The following ZMYND11 variants were observed in gnomAD, a reference collection of about 807,000 sequenced individuals.
The protein encoded by ZMYND11 is zinc finger MYND domain-containing protein 11.
In ZMYND11, 9 loss-of-function variants were observed where a neutral mutation model predicts 84.9. The observed-to-expected ratio is 0.11, with a 90% CI of 0.06 to 0.18. The LOEUF is 0.18. Ranked by LOEUF, ZMYND11 falls within the 10% of genes least tolerant of loss-of-function variation. The pLI is 1.00. For missense variants in ZMYND11, 409 were observed against 761.0 expected, an observed-to-expected ratio of 0.54 and a Z score of 5.44; for synonymous variants, 250 against 244.1, an observed-to-expected ratio of 1.02 and a Z score of -0.23.
intron 14 of ZMYND11, among the ~76,000 whole-genome samples, chr10:251,479 T>C (rs1325463053): frequency 6.6e-6 from 1 of 152,168 alleles, no homozygotes; most frequent in South Asian, 2.1e-4. Flanking sequence ...TCTCCCTGGG[T>C]TCTTCCTCCA....
At chr10:171,286 A>T (rs995560994) in intron 1 of ZMYND11, among the ~76,000 whole-genome samples, 1 of 152,180 alleles carries the variant, frequency 6.6e-6, no homozygotes, top group African/African-American at 2.4e-5. Context: ...GTTGGTAAGG[A>T]CGTAGTTGAA....
intron 1 of ZMYND11, among the ~76,000 whole-genome samples, chr10:139,899 T>C (rs1426954260): frequency 1.3e-5 from 2 of 151,454 alleles, no homozygotes; most frequent in African/African-American, 2.4e-5. Flanking sequence ...TTTAGTAGAG[T>C]TGGGGTTTTG....
chr10:251,324 G>A (rs961119684), intron 14 of ZMYND11, among the ~76,000 whole-genome samples: 6 of 152,146 alleles, frequency 3.9e-5, no homozygotes, highest in Non-Finnish European at 7.3e-5. Context: ...TGTGAATCCC[G>A]ACACGCCTCA....
chr10:165,886 T>A (rs781815165), intron 1 of ZMYND11, among the ~76,000 whole-genome samples: 9 of 152,118 alleles, frequency 5.9e-5, no homozygotes, highest in Non-Finnish European at 1.3e-4. Flanking sequence ...AATATAGATA[T>A]GTAGTCTAGT....
chr10:193,110 C>G (rs1440342110), intron 2 of ZMYND11, among the ~76,000 whole-genome samples: 1 of 152,060 alleles, frequency 6.6e-6, no homozygotes, highest in African/African-American at 2.4e-5. Context: ...AAGACCTTAT[C>G]CTGAAGGAGG....
At chr10:192,239 G>A (rs2130927851) in intron 2 of ZMYND11, among the ~76,000 whole-genome samples, 1 of 152,198 alleles carries the variant, frequency 6.6e-6, no homozygotes, top group Middle Eastern at 3.4e-3. Flanking sequence ...GCTTAGAGGG[G>A]GTGAAGTGTG....
At chr10:159,235 A>G (rs1554760742) in intron 1 of ZMYND11, among the ~76,000 whole-genome samples, 2 of 151,342 alleles carry the variant, frequency 1.3e-5, no homozygotes, top group African/African-American at 4.9e-5. Context: ...GATTTTATGT[A>G]TACATCATTT....
intron 2 of ZMYND11, among the ~76,000 whole-genome samples, chr10:193,517 G>A (rs1940980445): frequency 6.6e-6 from 1 of 152,186 alleles, no homozygotes. Flanking sequence ...TGAGTGCTAG[G>A]TGAATGTAGG....
At chr10:169,984 T>C (rs1279353686) in intron 1 of ZMYND11, among the ~76,000 whole-genome samples, 1 of 152,012 alleles carries the variant, frequency 6.6e-6, no homozygotes, top group African/African-American at 2.4e-5. Context: ...ATATTATACC[T>C]AAGCATACCA....
intron 1 of ZMYND11, among the ~76,000 whole-genome samples, chr10:147,280 A>G (rs541974219): frequency 4.6e-5 from 7 of 152,238 alleles, no homozygotes; most frequent in African/African-American, 1.2e-4. Flanking sequence ...GACTTCCAGT[A>G]CTGTGTTGAA....
chr10:193,528 C>CT (rs1370249967), intron 2 of ZMYND11, among the ~76,000 whole-genome samples: 7 of 152,258 alleles, frequency 4.6e-5, no homozygotes, highest in Middle Eastern at 3.4e-3. Context: ...TGAATGTAGG[C>CT]TTTTTTTCCT....
intron 10 of ZMYND11, among the ~76,000 whole-genome samples, chr10:246,425 A>T (rs1169832607): frequency 6.6e-6 from 1 of 152,244 alleles, no homozygotes; most frequent in East Asian, 1.9e-4. Flanking sequence ...AAGAATACAG[A>T]TATGAACTAG....
At chr10:217,488 A>G (rs1435276746) in intron 3 of ZMYND11, among the ~76,000 whole-genome samples, 1 of 149,398 alleles carries the variant, frequency 6.7e-6, no homozygotes, top group Non-Finnish European at 1.5e-5. Flanking sequence ...TCGCCGTTGC[A>G]CTCCAGCCTG....
At chr10:218,146 TATC>T (rs1946501719) in intron 3 of ZMYND11, among the ~76,000 whole-genome samples, 1 of 152,256 alleles carries the variant, frequency 6.6e-6, no homozygotes, top group South Asian at 2.1e-4. Context: ...ATTTTTCTAA[TATC>T]ATTATAGTTT....
chr10:245,854 T>TC (rs1333258669), intron 10 of ZMYND11, among the ~76,000 whole-genome samples: 1 of 152,192 alleles, frequency 6.6e-6, no homozygotes, highest in Non-Finnish European at 1.5e-5. Context: ...GGAAGTGCCA[T>TC]CCTAATAATC....
chr10:229,314 T>C (rs556914011), intron 4 of ZMYND11, among the ~76,000 whole-genome samples: 1 of 152,364 alleles, frequency 6.6e-6, no homozygotes, highest in Admixed American at 6.5e-5. Flanking sequence ...CAGGATGTTC[T>C]AAGAATCCAC....
intron 2 of ZMYND11, among the ~76,000 whole-genome samples, chr10:196,026 G>C (rs914675181): frequency 6.6e-6 from 1 of 152,188 alleles, no homozygotes; most frequent in Non-Finnish European, 1.5e-5. Flanking sequence ...CTGTTGTACT[G>C]TTCCCTGATG....
intron 1 of ZMYND11, among the ~76,000 whole-genome samples, chr10:142,225 C>T (rs1554754148): frequency 6.6e-6 from 1 of 152,168 alleles, no homozygotes; most frequent in African/African-American, 2.4e-5. Context: ...CTCAGCCTCC[C>T]CAGGAGCTAG....
At chr10:131,450 C>T (rs1008502257), upstream of ZMYND11, among the ~76,000 whole-genome samples, 3 of 152,116 alleles carry the variant, frequency 2.0e-5, no homozygotes, top group East Asian at 5.8e-4. Flanking sequence ...CAGCTCAGCT[C>T]CTCGGTTGCT....
Sources: gnomAD v4.1 joint callset for allele counts (sites outside exome capture counted in the v4.1 genomes callset) on GRCh38, gnomAD v4.1.1 for gene constraint, MANE v1.5 for transcripts, NCBI Gene and HGNC (gene_info 2026-07-23, HGNC 2026-07-21) for gene names.